RND3: variants seen among roughly 807,000 people sequenced by gnomAD.
RND3 encodes the protein Rho family GTPase 3.
RND3 carries 8 observed loss-of-function variants against 26.5 expected under a neutral mutation model. The observed-to-expected ratio is 0.30, with a 90% CI of 0.18 to 0.54. The LOEUF (loss-of-function observed/expected upper bound fraction) is 0.54. Ranked by LOEUF, RND3 falls within the 20% of genes least tolerant of loss-of-function variation. The pLI is 0.94. For synonymous variants in RND3, 113 were observed against 113.0 expected (o/e 1.00, Z 0.00); for missense variants, 207 against 302.8 (o/e 0.68, Z 2.35).
At chr2:150,477,249 G>A (rs1294942689) in intron 3 of RND3, among the ~76,000 whole-genome samples, 3 of 152,100 alleles carry the variant, frequency 2.0e-5, no homozygotes, top group Non-Finnish European at 4.4e-5. Context: ...GGTATCTTTA[G>A]AGAACTGTTC....
chr2:150,483,401 A>G (rs1001449439), intron 3 of RND3, among the ~76,000 whole-genome samples: 2 of 152,188 alleles, frequency 1.3e-5, no homozygotes, highest in Non-Finnish European at 2.9e-5. Context: ...AATTTTTCCT[A>G]TATAAGTCTC....
chr2:150,483,005 G>A (rs1049491777), intron 3 of RND3, among the ~76,000 whole-genome samples: 1 of 152,196 alleles, frequency 6.6e-6, no homozygotes, highest in African/African-American at 2.4e-5. Flanking sequence ...TTGACAGAGG[G>A]CCTGTTTATA....
intron 3 of RND3, among the ~76,000 whole-genome samples, chr2:150,477,405 G>A (rs773720718): frequency 6.6e-6 from 1 of 152,198 alleles, no homozygotes; most frequent in African/African-American, 2.4e-5. Context: ...GAAATACAAA[G>A]AGGATAAAAG....
Position 150,469,813 on chromosome 2 carries a change from G to T in RND3, c.*174C>A. On this transcript the variant is annotated 3_prime_UTR_variant, in exon 6 of 6. Transcript: ENST00000263895. ...CCATGTATTCACTTCTCATCACTTG[G>T]TCTACATGCCGAACCTAAGGTCAGG... The T allele has an allele frequency of 1.6e-6, 1 of 644,198 alleles. No homozygotes were observed. The highest frequency in any genetic ancestry group is 2.6e-6 in the Non-Finnish European group (1 of 379,818). The allele number at this position is 644,198 out of a possible 1,614,324, so 39.9% of individuals were successfully genotyped here.
intron 3 of RND3, among the ~76,000 whole-genome samples, chr2:150,478,191 T>TAA (rs1462612790): frequency 7.0e-6 from 1 of 141,984 alleles, no homozygotes. Flanking sequence ...ACTTTCAGGA[T>TAA]AAAAAAAAAA....
chr2:150,481,963 G>T (rs1349855656), intron 3 of RND3, among the ~76,000 whole-genome samples: 1 of 152,120 alleles, frequency 6.6e-6, no homozygotes, highest in Non-Finnish European at 1.5e-5. Context: ...AGGCCATTAG[G>T]TAACTAAGAT....
At chr2:150,479,293 C>T (rs1465002784) in intron 3 of RND3, among the ~76,000 whole-genome samples, 1 of 152,082 alleles carries the variant, frequency 6.6e-6, no homozygotes, top group African/African-American at 2.4e-5. Flanking sequence ...TGAAGTCACC[C>T]TTTCGCAAAT....
intron 3 of RND3, among the ~76,000 whole-genome samples, chr2:150,475,548 A>C (rs1686149737): frequency 6.6e-6 from 1 of 152,172 alleles, no homozygotes; most frequent in African/African-American, 2.4e-5. Flanking sequence ...TGGGAAAGAG[A>C]CCAAAACTCA....
In RND3 at chr2:150,487,304, C is replaced by A. The variant is rs140795521; in HGVS notation, c.114G>T (p.Ala38=). 8 of 1,602,862 alleles carry A rather than the reference C, an allele frequency of 5.0e-6. No homozygotes were observed. Among genetic ancestry groups the A allele is most frequent in the Non-Finnish European group, 6.8e-6 (8 of 1,174,170 alleles). ...AGTCCTTGGCGAAGACATGGAGCAG[C>A]GCAGTTTTTCCACACTGACTGTCTC... ...VVGDSQCGKT[A]LLHVFAKDCF... Residue 38 remains alanine (A), a synonymous_variant, in exon 2 of 6, where the codon GCG becomes GCT. Transcript: ENST00000263895.
intron 3 of RND3, among the ~76,000 whole-genome samples, chr2:150,484,081 T>C (rs1686319983): frequency 6.6e-6 from 1 of 152,238 alleles, no homozygotes; most frequent in African/African-American, 2.4e-5. Flanking sequence ...GTTTATAAAG[T>C]TGCCATTCTT....
At chr2:150,473,759 AT>A (rs1484570825) in intron 4 of RND3, among the ~76,000 whole-genome samples, 1 of 152,238 alleles carries the variant, frequency 6.6e-6, no homozygotes, top group Non-Finnish European at 1.5e-5. Flanking sequence ...AAGCCAAGCA[AT>A]CAAATATAAT....
In RND3 at chr2:150,487,472, A is replaced by ATATATATATATATATATATATATAT. The variant is rs1395547619; in HGVS notation, c.-38-18_-38-17insATATATATATATATATATATATATA. On this transcript the variant is annotated splice_polypyrimidine_tract_variant and intron_variant, in intron 1 of 5. Transcript: ENST00000263895. Reference sequence around the variant, plus strand: ...GAATTTTCTCTTAAGAAGAAAAAAAAAAATATATATATATATATATATTTC... The same window carrying ATATATATATATATATATATATATAT: ...GAATTTTCTCTTAAGAAGAAAAAAAATATATATATATATATATATATATATAAATATATATATATATATATATTTC... The ATATATATATATATATATATATATAT allele has an allele frequency of 9.0e-5, 31 of 344,892 alleles. No individual in the cohort carries two copies. Among genetic ancestry groups the ATATATATATATATATATATATATAT allele is most frequent in the Admixed American group, 3.3e-4 (4 of 11,952 alleles). 21.4% of individuals were successfully genotyped at this position (344,892 alleles called of 1,614,324 possible).
intron 3 of RND3, among the ~76,000 whole-genome samples, chr2:150,479,623 G>A (rs892893335): frequency 3.9e-5 from 6 of 152,130 alleles, no homozygotes; most frequent in African/African-American, 1.2e-4. Flanking sequence ...ACATCTGAAC[G>A]CAGCAGCAGC....
At chr2:150,484,104 A>G (rs186941723) in intron 3 of RND3, among the ~76,000 whole-genome samples, 8 of 152,344 alleles carry the variant, frequency 5.3e-5, no homozygotes, top group Non-Finnish European at 1.0e-4. Context: ...TGCACAGGTA[A>G]TTCAGTGTGA....
At chr2:150,478,719 C>T (rs1026456221) in intron 3 of RND3, among the ~76,000 whole-genome samples, 1 of 151,918 alleles carries the variant, frequency 6.6e-6, no homozygotes, top group Admixed American at 6.6e-5. Flanking sequence ...AAGTATTCAA[C>T]TTTAACTGCA....
chr2:150,483,584 T>A (rs866590968), intron 3 of RND3, among the ~76,000 whole-genome samples: 1 of 152,190 alleles, frequency 6.6e-6, no homozygotes, highest in African/African-American at 2.4e-5. Context: ...ACTAAATAAA[T>A]GTTTTAGTGG....
Position 150,487,474 on chromosome 2 carries a change from A to AATATATATATAT in RND3, c.-38-31_-38-20dup, listed in dbSNP as rs1209384148. 5.0e-4 allele frequency: 100 copies of AATATATATATAT among 200,738 alleles called. 1 individual carries two copies. Among genetic ancestry groups the AATATATATATAT allele is most frequent in the African/African-American group, 1.1e-3 (41 of 36,650 alleles). 12.4% of individuals were successfully genotyped at this position (200,738 alleles called of 1,614,324 possible). A position where few individuals can be genotyped will look rare whatever the true frequency, so the allele number is the denominator to read the frequency against. ...ATTTTCTCTTAAGAAGAAAAAAAAA[A>AATATATATATAT]ATATATATATATATATATATTTCTC... On this transcript the variant is annotated intron_variant, in intron 1 of 5. Transcript: ENST00000263895.
chr2:150,481,338 T>C (rs1282004419), intron 3 of RND3, among the ~76,000 whole-genome samples: 1 of 152,174 alleles, frequency 6.6e-6, no homozygotes, highest in Non-Finnish European at 1.5e-5. Flanking sequence ...AGGAAGTCTT[T>C]CTATGTCCTC....
Position 150,469,319 on chromosome 2 carries a change from C to T in RND3, c.*668G>A, listed in dbSNP as rs571146830. The T allele has an allele frequency of 1.3e-5, 2 of 152,638 alleles. No individual in the cohort carries two copies. Among genetic ancestry groups the T allele is most frequent in the African/African-American group, 4.8e-5 (2 of 41,574 alleles). 9.5% of individuals were successfully genotyped at this position (152,638 alleles called of 1,614,324 possible). A position where few individuals can be genotyped will look rare whatever the true frequency, so the allele number is the denominator to read the frequency against. On this transcript the variant is annotated 3_prime_UTR_variant, in exon 6 of 6. Coordinates refer to ENST00000263895, the MANE Select transcript of RND3 (RefSeq NM_005168.5). ...ATCGACATTTTTTTTCCTATTTGATCTATGCGATCTTTGTAGTGCTGGTCT... is the reference window on the plus strand; with the variant it reads ...ATCGACATTTTTTTTCCTATTTGATTTATGCGATCTTTGTAGTGCTGGTCT...
Sources: allele counts gnomAD v4.1 joint callset (sites outside exome capture counted in the v4.1 genomes callset), GRCh38; gene constraint gnomAD v4.1.1; transcripts MANE v1.5; gene names NCBI Gene and HGNC (gene_info 2026-07-23, HGNC 2026-07-21).